NEK2: variants seen among roughly 807,000 people sequenced by gnomAD.
The protein encoded by NEK2 is NIMA related kinase 2, also known as serine/threonine-protein kinase Nek2.
Under a neutral mutation model 54.1 loss-of-function variants are expected in NEK2, and 28 were observed. That is an observed-to-expected ratio of 0.52 (90% confidence interval 0.38 to 0.71). NEK2 has a LOEUF of 0.71. Among genes scored for constraint, NEK2 ranks in the 30% least tolerant of loss-of-function variants. The probability of loss-of-function intolerance (pLI) is 0.00; values close to 1 mark genes in which losing one functional copy is unlikely to be tolerated. For missense variants in NEK2, 407 were observed against 531.5 expected, an observed-to-expected ratio of 0.77 and a Z score of 2.30; for synonymous variants, 176 against 193.1, an observed-to-expected ratio of 0.91 and a Z score of 0.73.
At chr1:211,660,543 G>C (rs567302831), downstream of NEK2, 37 of 635,036 alleles carry the variant, frequency 5.8e-5, no homozygotes, top group South Asian at 5.2e-4. Context: ...GAATCTTAAA[G>C]AACTCTCCCA....
intron 7 of NEK2, among the ~76,000 whole-genome samples, chr1:211,664,463 G>A (rs1655113850): frequency 6.6e-6 from 1 of 152,196 alleles, no homozygotes; most frequent in South Asian, 2.1e-4. Context: ...ACAAGTACTG[G>A]TGGGGAATAT....
intron 7 of NEK2, among the ~76,000 whole-genome samples, chr1:211,665,035 TA>T (rs1246067373): frequency 1.3e-4 from 20 of 152,256 alleles, no homozygotes; most frequent in African/African-American, 4.3e-4. Flanking sequence ...GAAAGTGTTT[TA>T]AAAACATTTT....
intron 7 of NEK2, among the ~76,000 whole-genome samples, chr1:211,663,902 C>T (rs913867558): frequency 6.6e-6 from 1 of 152,078 alleles, no homozygotes; most frequent in African/African-American, 2.4e-5. Context: ...CTCTTAACAA[C>T]CAACAATCAA....
downstream of NEK2, chr1:211,658,573 G>C: frequency 2.3e-6 from 1 of 439,142 alleles, no homozygotes; most frequent in Non-Finnish European, 4.5e-6. Flanking sequence ...GAGCCCATGA[G>C]TTCAAGACCA....
chr1:211,661,833 A>AT (rs1318700947), downstream of NEK2, among the ~76,000 whole-genome samples: 1 of 152,150 alleles, frequency 6.6e-6, no homozygotes, highest in African/African-American at 2.4e-5. Flanking sequence ...GACAAAGGGC[A>AT]TTTTTTTAAG....
intron 1 of NEK2, among the ~76,000 whole-genome samples, chr1:211,674,861 T>C (rs1285983782): frequency 6.6e-6 from 1 of 152,212 alleles, no homozygotes; most frequent in Admixed American, 6.5e-5. Flanking sequence ...AGTCGTGTTT[T>C]CCCAGGATGA....
chr1:211,664,888 TA>T, intron 7 of NEK2, among the ~76,000 whole-genome samples: 1 of 152,330 alleles, frequency 6.6e-6, no homozygotes, highest in African/African-American at 2.4e-5. Flanking sequence ...GTGCAGTGGC[TA>T]GTCACAGGTG....
intron 7 of NEK2, among the ~76,000 whole-genome samples, chr1:211,664,143 G>A (rs2102439140): frequency 6.6e-6 from 1 of 150,648 alleles, no homozygotes; most frequent in Middle Eastern, 3.5e-3. Flanking sequence ...GCATCTTAAT[G>A]GACGAGAAAT....
chr1:211,663,669 A>C lies in NEK2; in HGVS notation c.1112-17T>G. On this transcript the variant is annotated splice_polypyrimidine_tract_variant and intron_variant, in intron 7 of 7. Coordinates refer to ENST00000366999, the MANE Select transcript of NEK2 (RefSeq NM_002497.4). The stretch of plus-strand genomic sequence containing the variant: ...TAAGAAGTTCTTTAGAAGGAAAAAG[A>C]AAAAGGGCTCTGAGTTACTTGAACA... 2.5e-6 allele frequency: 4 copies of C among 1,609,918 alleles called. No individual in the cohort carries two copies. Among genetic ancestry groups the C allele is most frequent in the Non-Finnish European group, 2.5e-6 (3 of 1,177,730 alleles).
chr1:211,671,989 G>A (rs1022384706), intron 3 of NEK2, among the ~76,000 whole-genome samples: 1 of 152,202 alleles, frequency 6.6e-6, no homozygotes, highest in Admixed American at 6.5e-5. Context: ...CTGGATAATT[G>A]TCCTTTATGT....
Position 211,675,371 on chromosome 1 carries a change from G to T in NEK2, c.96+13C>A. 6.2e-7 allele frequency: 1 copy of T among 1,612,332 alleles called. No homozygotes were observed. Among genetic ancestry groups the T allele is most frequent in the South Asian group, 1.1e-5 (1 of 91,018 alleles). On this transcript the variant is annotated intron_variant, in intron 1 of 7. Coordinates refer to ENST00000366999, the MANE Select transcript of NEK2 (RefSeq NM_002497.4). ...CTAAGCAGGGGCAGGCGCAGGGTAG[G>T]TCCCACGCTCACCTTGCCATCACTC...
chr1:211,670,543 CT>C, intron 4 of NEK2, 136 bp from the exon 5 acceptor site: 1 of 1,043,894 alleles, frequency 9.6e-7, no homozygotes, highest in Non-Finnish European at 1.4e-6. Flanking sequence ...GGATTTTCTT[CT>C]TATAAGTAAG....
Position 211,674,353 on chromosome 1 carries a change from A to G in NEK2, c.257T>C (p.Met86Thr). The change falls in exon 2 of 8, where the codon ATG becomes ACG. Residue 86 changes from methionine to threonine, a missense_variant. Physicochemically the swap from Met to Thr is moderately conservative, Grantham distance 81 (BLOSUM62 -1). Transcript: ENST00000366999. ...CAGATCCCCTCCTTCACAATATTCC[A>G]TTACAATGTACAGTGTTGTATTGGT... The part of the protein sequence containing the change: ...DRTNTTLYIV[M>T]EYCEGGDLAS... 6.2e-7 allele frequency: 1 copy of G among 1,614,078 alleles called. No individual in the cohort carries two copies. The highest frequency in any genetic ancestry group is 8.5e-7 in the Non-Finnish European group (1 of 1,179,962).
At position 211,663,163 on chromosome 1, in the gene NEK2, A is replaced by G; in HGVS notation, c.*263T>C. ...GAATGTCACATCTCATGTTCCTACT[A>G]GTAATCACACACAGGATTAAAAGCC... On this transcript the variant is annotated 3_prime_UTR_variant, in exon 8 of 8. Transcript: ENST00000366999. 1 of 1,226,872 alleles carries G rather than the reference A, an allele frequency of 8.2e-7. No homozygotes were observed. Among genetic ancestry groups the G allele is most frequent in the Non-Finnish European group, 1.0e-6 (1 of 981,124 alleles). 76.0% of individuals were successfully genotyped at this position (1,226,872 alleles called of 1,614,324 possible). A position where few individuals can be genotyped will look rare whatever the true frequency, so the allele number is the denominator to read the frequency against.
chr1:211,660,183 T>C (rs1654982159), downstream of NEK2: 1 of 288,864 alleles, frequency 3.5e-6, no homozygotes, highest in African/African-American at 2.2e-5. Context: ...CCTTGCAGTC[T>C]CTAGGTCACT....
intron 7 of NEK2, 148 bp from the exon 8 acceptor site, chr1:211,663,800 G>A (rs1378057198): frequency 1.5e-5 from 11 of 731,300 alleles, no homozygotes; most frequent in Non-Finnish European, 2.2e-5. Context: ...GGAGGTTAGG[G>A]GTGTAGGACT....
rs190176379 is a variant in NEK2, at chr1:211,675,573, G to A, written c.-94C>T. The stretch of plus-strand genomic sequence containing the variant: ...CAGGAACTCCAGGGACCTGGATGGA[G>A]AAGCCCCCGAGCAGCACTGACCCGC... On this transcript the variant is annotated 5_prime_UTR_variant, in exon 1 of 8. Transcript: ENST00000366999. 1,267 of 1,040,972 alleles carry A rather than the reference G, an allele frequency of 1.2e-3. 14 individuals are homozygous for A. The African/African-American group carries it at 0.018, about 15-fold the overall frequency. 64.5% of individuals were successfully genotyped at this position (1,040,972 alleles called of 1,614,324 possible). A position where few individuals can be genotyped will look rare whatever the true frequency, so the allele number is the denominator to read the frequency against.
chr1:211,674,601 T>C, intron 1 of NEK2, 88 bp from the exon 2 acceptor site: 1 of 925,982 alleles, frequency 1.1e-6, no homozygotes, highest in Non-Finnish European at 1.6e-6. Flanking sequence ...ATTACCTCCC[T>C]TTTAATTATA....
At chr1:211,672,135 G>A (rs1367779196) in intron 3 of NEK2, among the ~76,000 whole-genome samples, 1 of 151,996 alleles carries the variant, frequency 6.6e-6, no homozygotes, top group African/African-American at 2.4e-5. Flanking sequence ...TAAATATTTG[G>A]AAAATCCTAG....
Sources: gnomAD v4.1 joint callset for allele counts (sites outside exome capture counted in the v4.1 genomes callset) on GRCh38, gnomAD v4.1.1 for gene constraint, MANE v1.5 for transcripts, NCBI Gene and HGNC (gene_info 2026-07-23, HGNC 2026-07-21) for gene names.